SORCS2: variants seen among roughly 807,000 people sequenced by gnomAD.
The protein encoded by SORCS2 is VPS10 domain-containing receptor SorCS2.
A neutral mutation model predicts 141.6 loss-of-function variants in SORCS2; 100 were observed. The ratio of observed to expected loss-of-function variants is 0.71; its 90% CI spans 0.60 to 0.83. The LOEUF is 0.83. Among genes scored for constraint, SORCS2 ranks in the 40% least tolerant of loss-of-function variants. The pLI, the probability that SORCS2 is intolerant of heterozygous loss-of-function variation, is 0.00. For synonymous variants in SORCS2, 789 were observed against 676.9 expected (o/e 1.17, Z -2.57); for missense variants, 1,646 against 1,560.2 (o/e 1.05, Z -0.93).
chr4:7,556,773 C>A (rs1234032811), intron 3 of SORCS2, among the ~76,000 whole-genome samples: 1 of 150,876 alleles, frequency 6.6e-6, no homozygotes, highest in African/African-American at 2.4e-5. Flanking sequence ...ATTCACCCAC[C>A]ACCTACCCAC....
intron 1 of SORCS2, among the ~76,000 whole-genome samples, chr4:7,380,081 G>A (rs543355290): frequency 2.0e-5 from 3 of 152,070 alleles, no homozygotes; most frequent in African/African-American, 7.2e-5. Context: ...CTTCAAAATG[G>A]GCTGGGTTAT....
intron 1 of SORCS2, among the ~76,000 whole-genome samples, chr4:7,207,360 G>A (rs367966607): frequency 1.4e-4 from 21 of 152,252 alleles, no homozygotes; most frequent in African/African-American, 4.8e-4. Context: ...AGCCTGGGCC[G>A]GGAGCCGACG....
intron 1 of SORCS2, among the ~76,000 whole-genome samples, chr4:7,385,823 A>G (rs1159188247): frequency 6.6e-6 from 1 of 152,226 alleles, no homozygotes; most frequent in Non-Finnish European, 1.5e-5. Context: ...ACCTGCCTCG[A>G]TTGGGACCAG....
chr4:7,480,512 G>C (rs1730567448), intron 2 of SORCS2, among the ~76,000 whole-genome samples: 1 of 152,220 alleles, frequency 6.6e-6, no homozygotes. Context: ...GGGAGTGCAG[G>C]CTGTGTTCAG....
intron 2 of SORCS2, among the ~76,000 whole-genome samples, chr4:7,526,669 T>G (rs1733714753): frequency 6.6e-6 from 1 of 152,134 alleles, no homozygotes; most frequent in Non-Finnish European, 1.5e-5. Flanking sequence ...CTCTGCACTC[T>G]GGTGGTAATG....
intron 3 of SORCS2, among the ~76,000 whole-genome samples, chr4:7,563,712 G>T (rs957555630): frequency 6.6e-6 from 1 of 152,204 alleles, no homozygotes; most frequent in East Asian, 1.9e-4. Flanking sequence ...TGTGCTGCAG[G>T]TTCCAGATTG....
At chr4:7,395,238 TG>T (rs1724133121) in intron 1 of SORCS2, among the ~76,000 whole-genome samples, 1 of 152,234 alleles carries the variant, frequency 6.6e-6, no homozygotes, top group African/African-American at 2.4e-5. Flanking sequence ...AGCTGCCATC[TG>T]TGGAAACGGC....
At chr4:7,452,066 A>G (rs934323688) in intron 2 of SORCS2, among the ~76,000 whole-genome samples, 3 of 151,628 alleles carry the variant, frequency 2.0e-5, no homozygotes, top group African/African-American at 7.3e-5. Flanking sequence ...CCTCACCACC[A>G]TGAATGTTCC....
chr4:7,269,074 C>T (rs143606333), intron 1 of SORCS2, among the ~76,000 whole-genome samples: 1 of 152,150 alleles, frequency 6.6e-6, no homozygotes, highest in Non-Finnish European at 1.5e-5. Flanking sequence ...TCTAGGAGCC[C>T]CACAGGCAGC....
intron 2 of SORCS2, among the ~76,000 whole-genome samples, chr4:7,416,729 C>CAT (rs1024646568): frequency 2.7e-5 from 4 of 150,446 alleles, no homozygotes; most frequent in South Asian, 2.1e-4. Flanking sequence ...CACTCAGACA[C>CAT]ACACGCATGC....
chr4:7,445,246 T>C (rs1025929269), intron 2 of SORCS2, among the ~76,000 whole-genome samples: 1 of 152,058 alleles, frequency 6.6e-6, no homozygotes, highest in African/African-American at 2.4e-5. Context: ...GACTTGGCAG[T>C]AAGGGCCAGA....
At chr4:7,238,352 A>C (rs1235321531) in intron 1 of SORCS2, among the ~76,000 whole-genome samples, 5 of 152,190 alleles carry the variant, frequency 3.3e-5, no homozygotes, top group Admixed American at 2.0e-4. Context: ...TTTGCTGTGC[A>C]GAAAGTCAAA....
chr4:7,308,482 A>G (rs938753536), intron 1 of SORCS2, among the ~76,000 whole-genome samples: 1 of 152,148 alleles, frequency 6.6e-6, no homozygotes, highest in Non-Finnish European at 1.5e-5. Flanking sequence ...GTTGACCCTT[A>G]CATGAAACCC....
At chr4:7,459,427 T>C (rs1170613840) in intron 2 of SORCS2, among the ~76,000 whole-genome samples, 1 of 152,128 alleles carries the variant, frequency 6.6e-6, no homozygotes, top group Non-Finnish European at 1.5e-5. Context: ...TGAGCCCCTG[T>C]CTGGCTCAGT....
chr4:7,684,741 A>C (rs1437340814), intron 10 of SORCS2, among the ~76,000 whole-genome samples: 1 of 109,994 alleles, frequency 9.1e-6, no homozygotes, highest in East Asian at 2.0e-4. Context: ...CCAACCAGCA[A>C]AACAGAAGAC....
chr4:7,664,485 T>C lies in SORCS2; in HGVS notation c.1071+14T>C, dbSNP rs62290708. ...ATCTTCTTTAAGGTAAGGTTGCTTC[T>C]GGGGCTTTTGGAAATTGGCAACAGG... is the stretch of plus-strand genomic sequence containing the variant. On this transcript the variant is annotated intron_variant, in intron 7 of 26. Coordinates refer to ENST00000507866, the MANE Select transcript of SORCS2 (RefSeq NM_020777.3). This position sits in a 1 kb window ranked among gnomAD's most constrained non-coding sequence, Gnocchi z 4.7. The C allele has an allele frequency of 0.021, 32,984 of 1,564,772 alleles. 398 individuals carry two copies. Among genetic ancestry groups the C allele is most frequent in the Middle Eastern group, 0.029 (173 of 5,908 alleles).
chr4:7,235,008 A>G (rs1317197311), intron 1 of SORCS2, among the ~76,000 whole-genome samples: 1 of 152,190 alleles, frequency 6.6e-6, no homozygotes, highest in Non-Finnish European at 1.5e-5. Flanking sequence ...GCAGAGCAGG[A>G]GCGAGTTGGG....
chr4:7,231,446 G>T (rs892388330), intron 1 of SORCS2, among the ~76,000 whole-genome samples: 1 of 152,218 alleles, frequency 6.6e-6, no homozygotes, highest in African/African-American at 2.4e-5. Context: ...GTTGGCACAT[G>T]AAATTAACCA....
Position 7,712,714 on chromosome 4 carries a change from C to T in SORCS2, c.1869-19C>T, listed in dbSNP as rs1321505780. ...AATGAAGGTGGTTTTCTCTCCCTTC[C>T]CTCCTCTTCCCACCCCAGGGTCTTT... On this transcript the variant is annotated intron_variant, in intron 14 of 26. Coordinates refer to ENST00000507866, the MANE Select transcript of SORCS2 (RefSeq NM_020777.3). 2.5e-6 allele frequency: 4 copies of T among 1,613,682 alleles called. No individual in the cohort carries two copies. The highest frequency in any genetic ancestry group is 2.2e-5 in the East Asian group (1 of 44,876).
Sources: allele counts gnomAD v4.1 joint callset (sites outside exome capture counted in the v4.1 genomes callset), GRCh38; gene constraint gnomAD v4.1.1; non-coding constraint Gnocchi (gnomAD v3.1); transcripts MANE v1.5; gene names NCBI Gene and HGNC (gene_info 2026-07-23, HGNC 2026-07-21).